Variants in TRAPPC9 observed in about 807,000 individuals in gnomAD.
The protein encoded by TRAPPC9 is IKK2 binding protein.
TRAPPC9 carries 83 observed loss-of-function variants against 124.0 expected under a neutral mutation model. The ratio of observed to expected loss-of-function variants is 0.67; its 90% CI spans 0.56 to 0.80. TRAPPC9 has a LOEUF of 0.80. TRAPPC9 is among the 30% of genes least tolerant of loss of function. TRAPPC9 has a pLI of 0.00. For synonymous variants in TRAPPC9, 638 were observed against 617.5 expected (o/e 1.03, Z -0.49); for missense variants, 1,302 against 1,508.3 (o/e 0.86, Z 2.27).
At chr8:139,961,403 G>A (rs1835365280) in intron 19 of TRAPPC9, among the ~76,000 whole-genome samples, 1 of 124,090 alleles carries the variant, frequency 8.1e-6, no homozygotes, top group African/African-American at 2.5e-5. Flanking sequence ...GGGTGCCACA[G>A]CTGCCCAAAC....
chr8:140,244,800 C>CTTTTTTTTTTTT (rs1162364645), intron 16 of TRAPPC9, among the ~76,000 whole-genome samples: 1 of 90,180 alleles, frequency 1.1e-5, no homozygotes, highest in Non-Finnish European at 1.9e-5. Flanking sequence ...TTTCCAATTC[C>CTTTTTTTTTTTT]TTTTTTTTTT....
intron 17 of TRAPPC9, among the ~76,000 whole-genome samples, chr8:140,196,085 A>G (rs56174200): frequency 2.0e-5 from 3 of 151,300 alleles, no homozygotes; most frequent in South Asian, 2.1e-4. Context: ...CTGTGATACT[A>G]AAACACTCAA....
At chr8:140,101,837 G>A (rs2060586686) in intron 17 of TRAPPC9, among the ~76,000 whole-genome samples, 1 of 151,476 alleles carries the variant, frequency 6.6e-6, no homozygotes, top group African/African-American at 2.4e-5. Flanking sequence ...ACCATGCCCA[G>A]CCTGGTTTTT....
intron 21 of TRAPPC9, among the ~76,000 whole-genome samples, chr8:139,883,584 C>G (rs1045715377): frequency 6.6e-6 from 1 of 152,264 alleles, no homozygotes; most frequent in African/African-American, 2.4e-5. Context: ...GTCCACTGTT[C>G]TCTCTAATTT....
intron 21 of TRAPPC9, among the ~76,000 whole-genome samples, chr8:139,749,499 C>T (rs1480709785): frequency 6.6e-6 from 1 of 152,166 alleles, no homozygotes; most frequent in Non-Finnish European, 1.5e-5. Context: ...GCGCCATGTC[C>T]AGAACTTCTT....
intron 17 of TRAPPC9, among the ~76,000 whole-genome samples, chr8:140,049,228 ATGCTGGGGCC>A (rs1325764274): frequency 2.0e-5 from 3 of 152,364 alleles, no homozygotes; most frequent in Non-Finnish European, 4.4e-5. Flanking sequence ...ACAAAAGCCC[ATGCTGGGGCC>A]TGCGGGCCCA....
chr8:139,897,362 G>A (rs1178067792), intron 20 of TRAPPC9, among the ~76,000 whole-genome samples: 3 of 152,214 alleles, frequency 2.0e-5, no homozygotes, highest in Non-Finnish European at 4.4e-5. Flanking sequence ...CAAGATGAAT[G>A]AGGAGGCAGC....
At chr8:139,799,544 G>A (rs1043960753) in intron 21 of TRAPPC9, among the ~76,000 whole-genome samples, 1 of 152,136 alleles carries the variant, frequency 6.6e-6, no homozygotes, top group African/African-American at 2.4e-5. Context: ...TGGCTCCCAC[G>A]AGGGTCTGGC....
chr8:139,977,644 G>T (rs912475136), intron 19 of TRAPPC9, among the ~76,000 whole-genome samples: 1 of 117,408 alleles, frequency 8.5e-6, no homozygotes, highest in East Asian at 2.9e-4. Context: ...TGCTGAATAC[G>T]ATCAAGCCTC....
chr8:140,003,261 A>G (rs1033881068), intron 18 of TRAPPC9, among the ~76,000 whole-genome samples: 3 of 152,144 alleles, frequency 2.0e-5, no homozygotes, highest in Non-Finnish European at 2.9e-5. Flanking sequence ...AGAAAGGATC[A>G]ATGTCATTCA....
chr8:140,082,556 A>G (rs1191746194), intron 17 of TRAPPC9, among the ~76,000 whole-genome samples: 2 of 152,218 alleles, frequency 1.3e-5, no homozygotes, highest in Non-Finnish European at 1.5e-5. Context: ...CACAAAAGAA[A>G]AGGGGTAAAG....
At chr8:140,369,322 G>A (rs996897112) in intron 8 of TRAPPC9, among the ~76,000 whole-genome samples, 8 of 152,288 alleles carry the variant, frequency 5.3e-5, no homozygotes, top group African/African-American at 7.2e-5. Flanking sequence ...TGCAAACACC[G>A]GGAAGCTGTC....
Position 139,911,756 on chromosome 8 carries a change from C to T in TRAPPC9, c.2811-1456G>A, listed in dbSNP as rs915582115. Among the ~76,000 whole-genome samples the T allele has an allele frequency of 1.1e-4, 17 of 150,506 alleles. 1 individual carries two copies. Among genetic ancestry groups the T allele is most frequent in the Admixed American group, 1.1e-3 (17 of 15,092 alleles). ...TTTTTTTATTATTGCATAGATTGTG[C>T]TGTGGCCAAAACATTCAGCAAAACC... On this transcript the variant is annotated intron_variant, in intron 19 of 22. Coordinates refer to ENST00000438773, the MANE Select transcript of TRAPPC9 (RefSeq NM_001160372.4).
At chr8:139,951,628 A>G (rs775438752) in intron 19 of TRAPPC9, among the ~76,000 whole-genome samples, 3 of 152,232 alleles carry the variant, frequency 2.0e-5, no homozygotes, top group Non-Finnish European at 4.4e-5. Context: ...GAGAAGCTGT[A>G]CCTCAAGCTG....
intron 21 of TRAPPC9, among the ~76,000 whole-genome samples, chr8:139,884,819 G>C (rs1447417625): frequency 6.6e-6 from 1 of 152,208 alleles, no homozygotes. Flanking sequence ...AGGAGCCCGA[G>C]TGTAAAATGG....
At chr8:140,315,071 C>A (rs1327603819) in intron 9 of TRAPPC9, among the ~76,000 whole-genome samples, 1 of 152,086 alleles carries the variant, frequency 6.6e-6, no homozygotes, top group Non-Finnish European at 1.5e-5. Flanking sequence ...GTGTAAAGAA[C>A]CCCTTTTCTT....
chr8:140,344,984 G>A (rs2067296902), intron 9 of TRAPPC9, among the ~76,000 whole-genome samples: 2 of 152,258 alleles, frequency 1.3e-5, no homozygotes, highest in Non-Finnish European at 2.9e-5. Flanking sequence ...GGGAAGCCAC[G>A]ACAGCGTCAA....
chr8:140,125,192 G>A (rs976377791), intron 17 of TRAPPC9, among the ~76,000 whole-genome samples: 3 of 152,334 alleles, frequency 2.0e-5, no homozygotes, highest in East Asian at 1.9e-4. Flanking sequence ...CCCAGAGCTC[G>A]GGGGCGGGAC....
chr8:140,191,481 C>T (rs1001005055), intron 17 of TRAPPC9, among the ~76,000 whole-genome samples: 1 of 152,168 alleles, frequency 6.6e-6, no homozygotes, highest in Non-Finnish European at 1.5e-5. Context: ...CCTTTGGTGA[C>T]AAGTGAGTTC....
Sources: gnomAD v4.1 joint callset for allele counts (sites outside exome capture counted in the v4.1 genomes callset) on GRCh38, gnomAD v4.1.1 for gene constraint, MANE v1.5 for transcripts, NCBI Gene and HGNC (gene_info 2026-07-23, HGNC 2026-07-21) for gene names.